The following TMEM132B variants were observed in gnomAD, a reference collection of about 807,000 sequenced individuals.
The protein encoded by TMEM132B is transmembrane protein 132B.
A neutral mutation model predicts 90.8 loss-of-function variants in TMEM132B; 18 were observed. The ratio of observed to expected loss-of-function variants is 0.20; its 90% CI spans 0.14 to 0.29. The LOEUF is 0.29. Ranked by LOEUF, TMEM132B falls within the 10% of genes least tolerant of loss-of-function variation. TMEM132B has a pLI of 1.00. For synonymous variants in TMEM132B, 504 were observed against 523.3 expected (o/e 0.96, Z 0.50); for missense variants, 1,096 against 1,326.8 (o/e 0.83, Z 2.70).
At chr12:125,286,828 C>T (rs1447087046) in intron 1 of TMEM132B, among the ~76,000 whole-genome samples, 3 of 151,968 alleles carry the variant, frequency 2.0e-5, no homozygotes, top group African/African-American at 7.3e-5. Context: ...CTCAGCCTAC[C>T]GAGTAGCTGG....
chr12:125,476,341 C>T (rs1470352386), intron 3 of TMEM132B, among the ~76,000 whole-genome samples: 1 of 152,162 alleles, frequency 6.6e-6, no homozygotes, highest in Admixed American at 6.5e-5. Flanking sequence ...AACCTGCATT[C>T]TGTGTCTATG....
intron 4 of TMEM132B, among the ~76,000 whole-genome samples, chr12:125,578,698 G>A (rs1884987057): frequency 6.6e-6 from 1 of 152,102 alleles, no homozygotes. Context: ...TATTTTGAAA[G>A]ACAGGTTTTC....
rs78110132 is a variant in TMEM132B at position 125,557,030 on chromosome 12, G to A, written c.1294-26821G>A. ...AACGACCCTCTCTTTAACAATATTT[G>A]ACTTACGTGCCTTGTGTGTGGCAGG... On this transcript the variant is annotated intron_variant, in intron 4 of 8. Coordinates refer to ENST00000682704, the MANE Select transcript of TMEM132B (RefSeq NM_001366854.1). 9.2e-5 allele frequency among the ~76,000 whole-genome samples: 14 copies of A among 152,288 alleles called. No homozygotes were observed. The East Asian group carries it at 2.7e-3, about 29-fold the overall frequency.
chr12:125,616,997 G>A (rs1458734700), intron 5 of TMEM132B, among the ~76,000 whole-genome samples: 5 of 152,192 alleles, frequency 3.3e-5, no homozygotes, highest in African/African-American at 9.7e-5. Context: ...CTTTATCGTA[G>A]ACTTCCCATC....
intron 1 of TMEM132B, among the ~76,000 whole-genome samples, chr12:125,194,272 G>GA (rs1181211331): frequency 4.2e-5 from 6 of 143,168 alleles, no homozygotes; most frequent in Admixed American, 1.4e-4. Flanking sequence ...ACCCGTTGGT[G>GA]GGGGGGTCTT....
intron 2 of TMEM132B, among the ~76,000 whole-genome samples, chr12:125,369,908 GT>G (rs1878244941): frequency 6.6e-6 from 1 of 152,142 alleles, no homozygotes; most frequent in Non-Finnish European, 1.5e-5. Flanking sequence ...AATCAGCCGG[GT>G]GTGGTGGTGG....
At chr12:125,438,653 TG>T (rs1880771187) in intron 3 of TMEM132B, among the ~76,000 whole-genome samples, 1 of 125,392 alleles carries the variant, frequency 8.0e-6, no homozygotes, top group East Asian at 2.4e-4. Context: ...AACTCTCTAT[TG>T]CATTCTCCTT....
intron 3 of TMEM132B, among the ~76,000 whole-genome samples, chr12:125,493,896 A>T (rs1228826798): frequency 7.3e-6 from 1 of 136,894 alleles, no homozygotes; most frequent in Non-Finnish European, 1.6e-5. Flanking sequence ...CCTCCCTGGA[A>T]ATGGCCATGT....
At chr12:125,524,768 T>C (rs1211880937) in intron 4 of TMEM132B, among the ~76,000 whole-genome samples, 1 of 152,174 alleles carries the variant, frequency 6.6e-6, no homozygotes, top group Non-Finnish European at 1.5e-5. Flanking sequence ...TGGTAGGTTC[T>C]CCTCTTGGAG....
chr12:125,520,488 T>G (rs1264578774), intron 4 of TMEM132B, among the ~76,000 whole-genome samples: 2 of 152,174 alleles, frequency 1.3e-5, no homozygotes, highest in Admixed American at 6.5e-5. Context: ...TTAGAATTAA[T>G]TCTGCCATCC....
intron 3 of TMEM132B, among the ~76,000 whole-genome samples, chr12:125,446,456 C>T: frequency 6.6e-6 from 1 of 151,926 alleles, no homozygotes; most frequent in East Asian, 1.9e-4. Context: ...AAGAAGTAAC[C>T]AGGATTAGGC....
At chr12:125,506,037 G>A (rs542857290) in intron 3 of TMEM132B, among the ~76,000 whole-genome samples, 18 of 152,176 alleles carry the variant, frequency 1.2e-4, no homozygotes, top group East Asian at 5.8e-4. Flanking sequence ...AAATGAAAAC[G>A]TATGTTCATA....
At chr12:125,569,801 CCAA>C (rs1884746632) in intron 4 of TMEM132B, among the ~76,000 whole-genome samples, 1 of 152,088 alleles carries the variant, frequency 6.6e-6, no homozygotes, top group Non-Finnish European at 1.5e-5. Context: ...CAGAAAATGG[CCAA>C]CAACTGCTTC....
chr12:125,261,693 A>G (rs1170542860), intron 1 of TMEM132B, among the ~76,000 whole-genome samples: 1 of 152,228 alleles, frequency 6.6e-6, no homozygotes, highest in African/African-American at 2.4e-5. Flanking sequence ...TGGTTTCAGA[A>G]TATCTGGAGT....
rs762724698 is a variant in TMEM132B, at chr12:125,653,764, T to C, written c.2306T>C (p.Met769Thr). Residue 769 changes from methionine (M) to threonine (T), a missense_variant, in exon 9 of 9, where the codon ATG becomes ACG. Transcript: ENST00000682704. Reference protein sequence around the residue: ...GQGPLIKLEMMISEPCQKTKR... With the variant: ...GQGPLIKLEMTISEPCQKTKR... ...GGGCCTTTGATTAAGTTAGAAATGA[T>C]GATAAGTGAACCTTGTCAGAAGACC... 27 of 1,614,232 alleles carry C rather than the reference T, an allele frequency of 1.7e-5. No homozygotes were observed. In the Middle Eastern group the frequency reaches 4.9e-4, roughly 30 times the overall value.
intron 2 of TMEM132B, among the ~76,000 whole-genome samples, chr12:125,380,318 A>G (rs1180107389): frequency 6.6e-6 from 1 of 152,116 alleles, no homozygotes; most frequent in Non-Finnish European, 1.5e-5. Flanking sequence ...TGTGTCTCTT[A>G]TAAGTACACT....
rs1411505181 is a variant in TMEM132B, at chr12:125,498,256, T to C, written c.1107-21183T>C. Reference sequence around the variant, plus strand: ...AGAAGAACAGTAAAGGATGATTTAATTTACATGGGAATGCTGAGTTGATGG... The same window carrying C: ...AGAAGAACAGTAAAGGATGATTTAACTTACATGGGAATGCTGAGTTGATGG... On this transcript the variant is annotated intron_variant, in intron 3 of 8. Transcript: ENST00000682704. This position sits in a 1 kb window ranked among gnomAD's most constrained non-coding sequence, Gnocchi z 4.5. 6.6e-6 allele frequency among the ~76,000 whole-genome samples: 1 copy of C among 152,176 alleles called. No homozygotes were observed. The highest frequency in any genetic ancestry group is 2.4e-5 in the African/African-American group (1 of 41,432).
At chr12:125,418,943 G>A (rs1042201699) in intron 3 of TMEM132B, among the ~76,000 whole-genome samples, 19 of 152,178 alleles carry the variant, frequency 1.2e-4, no homozygotes, top group African/African-American at 4.1e-4. Flanking sequence ...CAAGGGAACC[G>A]AAAGCTAGAT....
At chr12:125,196,576 G>A (rs6488992) in intron 1 of TMEM132B, among the ~76,000 whole-genome samples, 33,224 of 152,114 alleles carry the variant, frequency 0.22, 4,567 homozygotes, top group East Asian at 0.44. Flanking sequence ...GGGCATGGTG[G>A]TACATGCCTG....
Sources: gnomAD v4.1 joint callset for allele counts (sites outside exome capture counted in the v4.1 genomes callset) on GRCh38, gnomAD v4.1.1 for gene constraint, Gnocchi (gnomAD v3.1) non-coding constraint, MANE v1.5 for transcripts, NCBI Gene and HGNC (gene_info 2026-07-23, HGNC 2026-07-21) for gene names.